The following SLC23A2 variants were observed in gnomAD, a reference collection of about 807,000 sequenced individuals.
The protein encoded by SLC23A2 is Na(+)/L-ascorbic acid transporter 2.
In SLC23A2, 36 loss-of-function variants were observed where a neutral mutation model predicts 73.3. The observed-to-expected ratio is 0.49, with a 90% confidence interval of 0.38 to 0.65. SLC23A2 has a LOEUF of 0.65. SLC23A2 is among the 30% of genes least tolerant of loss of function. SLC23A2 has a pLI of 0.00. For synonymous variants in SLC23A2, 343 were observed against 327.3 expected (o/e 1.05, Z -0.52); for missense variants, 507 against 841.6 (o/e 0.60, Z 4.92).
At chr20:4,873,289 G>A (rs116044536) in intron 11 of SLC23A2, among the ~76,000 whole-genome samples, 231 of 152,194 alleles carry the variant, frequency 1.5e-3, no homozygotes, top group African/African-American at 5.4e-3. Flanking sequence ...CCCAGACGCC[G>A]GGACTAGAGT....
chr20:4,934,599 C>T (rs989650569), intron 2 of SLC23A2, among the ~76,000 whole-genome samples: 3 of 152,044 alleles, frequency 2.0e-5, no homozygotes, highest in Non-Finnish European at 2.9e-5. Flanking sequence ...TGGTAGCTCA[C>T]GCCTGTAATC....
intron 9 of SLC23A2, 71 bp from the exon 10 acceptor site, chr20:4,874,767 T>G: frequency 7.5e-6 from 10 of 1,340,386 alleles, no homozygotes; most frequent in Non-Finnish European, 2.0e-6. Flanking sequence ...ACTCGAAGCT[T>G]CTATGGCAAA....
At chr20:4,918,999 A>G (rs1009984506) in intron 3 of SLC23A2, among the ~76,000 whole-genome samples, 1 of 152,234 alleles carries the variant, frequency 6.6e-6, no homozygotes, top group African/African-American at 2.4e-5. Context: ...TACAGAAGAT[A>G]ATAGATTCGT....
At chr20:5,002,672 C>G (rs55853468), upstream of SLC23A2, among the ~76,000 whole-genome samples, 26,882 of 152,182 alleles carry the variant, frequency 0.18, 2,460 homozygotes, top group East Asian at 0.34. Flanking sequence ...CAAGTGTGGT[C>G]TGTGTCTTGA....
At position 4,969,358 on chromosome 20, in the gene SLC23A2, G is replaced by A. The variant is rs184490884; in HGVS notation, c.-155+1435C>T. On this transcript the variant is annotated intron_variant, in intron 2 of 16. Transcript: ENST00000338244. ...CCCGCCTCAGCTTCCCAAAGTGCTG[G>A]GATTCCAGGCATGAGCCACTACACC... Among the ~76,000 whole-genome samples, 55 of 152,192 alleles carry A rather than the reference G, an allele frequency of 3.6e-4. 1 individual carries two copies. The highest frequency in any genetic ancestry group is 6.8e-4 in the Non-Finnish European group (46 of 68,000).
chr20:4,875,994 G>A (rs1268067534), intron 9 of SLC23A2, among the ~76,000 whole-genome samples: 3 of 152,170 alleles, frequency 2.0e-5, no homozygotes, highest in East Asian at 1.9e-4. Context: ...TGCTCCACGG[G>A]TCTCCCTGCC....
chr20:4,978,798 G>A (rs933118266), intron 1 of SLC23A2, among the ~76,000 whole-genome samples: 23 of 152,110 alleles, frequency 1.5e-4, no homozygotes, highest in Admixed American at 3.9e-4. Context: ...CAACCTCAAG[G>A]AGCCAACAAG....
Position 4,899,701 on chromosome 20 carries a change from T to C in SLC23A2, c.336A>G (p.Thr112=), listed in dbSNP as rs1749214370. 4 of 1,613,994 alleles carry C rather than the reference T, an allele frequency of 2.5e-6. No individual in the cohort carries two copies. Among genetic ancestry groups the C allele is most frequent in the South Asian group, 1.1e-5 (1 of 91,086 alleles). ...CIFLGLQHYL[T]CFSGTIAVPF... is the part of the protein sequence containing the mutation. ...GCACTGCGATCGTGCCGCTGAAGCA[T>C]GTCAGGTAGTGCTGTGGGCAGGAAA... The change falls in exon 6 of 17, where the codon ACA becomes ACG. Residue 112 remains threonine (T), a synonymous_variant. Coordinates refer to ENST00000338244, the MANE Select transcript of SLC23A2 (RefSeq NM_005116.6). The surrounding 1 kb of genome is among the most constrained non-coding windows in gnomAD (Gnocchi z 4.9).
chr20:4,961,639 T>A (rs2087392337), intron 2 of SLC23A2, among the ~76,000 whole-genome samples: 1 of 152,162 alleles, frequency 6.6e-6, no homozygotes, highest in Admixed American at 6.6e-5. Context: ...ATCTAAAGTA[T>A]TTTTATTTCA....
At chr20:4,982,158 C>G (rs7351669) in intron 1 of SLC23A2, among the ~76,000 whole-genome samples, 1 of 150,770 alleles carries the variant, frequency 6.6e-6, no homozygotes, top group Non-Finnish European at 1.5e-5. Context: ...CCACGCCCAG[C>G]TAATTTTTGT....
chr20:4,942,983 T>C (rs966059708), intron 2 of SLC23A2, among the ~76,000 whole-genome samples: 13 of 151,930 alleles, frequency 8.6e-5, no homozygotes, highest in African/African-American at 2.9e-4. Flanking sequence ...GGAGGCCTAG[T>C]TGGGAAGATT....
Position 4,884,840 on chromosome 20 carries a change from A to T in SLC23A2, c.572-17T>A. 6.6e-7 allele frequency: 1 copy of T among 1,505,238 alleles called. No homozygotes were observed. The allele number at this position is 1,505,238 out of a possible 1,614,324, so 93.2% of individuals were successfully genotyped here. ...CTGAAACATCTTGAAAACAAAAACA[A>T]AGTTTTTCTTGGAGTGACACTGATG... is the stretch of plus-strand genomic sequence containing the variant. On this transcript the variant is annotated splice_polypyrimidine_tract_variant and intron_variant, in intron 7 of 16. Transcript: ENST00000338244.
chr20:4,923,599 C>A (rs1386757729), intron 3 of SLC23A2, among the ~76,000 whole-genome samples: 3 of 152,202 alleles, frequency 2.0e-5, no homozygotes, highest in Non-Finnish European at 4.4e-5. Context: ...TTCTTGGAAT[C>A]ATAGTCAATT....
intron 2 of SLC23A2, among the ~76,000 whole-genome samples, chr20:4,965,767 G>C (rs919911808): frequency 2.0e-5 from 3 of 152,142 alleles, no homozygotes; most frequent in African/African-American, 7.2e-5. Context: ...AGGAGTTGGA[G>C]ACCAGTGTGG....
intron 2 of SLC23A2, among the ~76,000 whole-genome samples, chr20:4,963,797 G>A (rs1299826456): frequency 6.6e-6 from 1 of 152,026 alleles, no homozygotes; most frequent in Non-Finnish European, 1.5e-5. Context: ...GCAGTGAGCT[G>A]AGATCGTGCC....
upstream of SLC23A2, among the ~76,000 whole-genome samples, chr20:5,002,246 T>C (rs550741691): frequency 1.5e-4 from 23 of 152,232 alleles, no homozygotes; most frequent in African/African-American, 5.3e-4. Context: ...AAGATGCAGA[T>C]GGCTGGGCCC....
intron 4 of SLC23A2, among the ~76,000 whole-genome samples, chr20:4,912,525 C>T (rs1259606495): frequency 6.6e-6 from 1 of 152,048 alleles, no homozygotes; most frequent in Non-Finnish European, 1.5e-5. Flanking sequence ...TCTATAATTT[C>T]CTCAGTCTGA....
At chr20:4,964,105 T>C (rs1418925982) in intron 2 of SLC23A2, among the ~76,000 whole-genome samples, 1 of 151,712 alleles carries the variant, frequency 6.6e-6, no homozygotes, top group East Asian at 1.9e-4. Flanking sequence ...CTTCCTGGGC[T>C]CAGGTGATCC....
intron 6 of SLC23A2, among the ~76,000 whole-genome samples, chr20:4,893,070 C>CTTT (rs370260947): frequency 1.4e-5 from 2 of 143,558 alleles, no homozygotes; most frequent in Non-Finnish European, 3.1e-5. Context: ...TGCAACTTTA[C>CTTT]TTTTTTTTTT....
Sources: allele counts gnomAD v4.1 joint callset (sites outside exome capture counted in the v4.1 genomes callset), GRCh38; gene constraint gnomAD v4.1.1; non-coding constraint Gnocchi (gnomAD v3.1); transcripts MANE v1.5; gene names NCBI Gene and HGNC (gene_info 2026-07-23, HGNC 2026-07-21).